RBM39: variants seen among roughly 807,000 people sequenced by gnomAD.
RBM39 encodes the protein RNA-binding protein 39.
RBM39 carries 12 observed loss-of-function variants against 79.6 expected under a neutral mutation model. That is an observed-to-expected ratio of 0.15 (90% CI 0.10 to 0.24). The LOEUF (loss-of-function observed/expected upper bound fraction) is 0.24, where lower values mean the gene tolerates loss of function less well. RBM39 is among the 10% of genes least tolerant of loss of function. RBM39 has a pLI of 1.00. For synonymous variants in RBM39, 185 were observed against 208.4 expected, an observed-to-expected ratio of 0.89 and a Z score of 0.97; for missense variants, 243 against 653.4, an observed-to-expected ratio of 0.37 and a Z score of 6.85.
chr20:35,728,077 G>A lies in RBM39; in HGVS notation c.416+1235C>T, dbSNP rs752367849. Among the ~76,000 whole-genome samples the A allele has an allele frequency of 5.9e-5, 9 of 152,230 alleles. No individual in the cohort carries two copies. The East Asian group carries it at 7.7e-4, about 13-fold the overall frequency. On this transcript the variant is annotated intron_variant, in intron 6 of 16. Coordinates refer to ENST00000253363, the MANE Select transcript of RBM39 (RefSeq NM_184234.3). ...GCTGGGATTACCCGCGTGAGCCACC[G>A]GGCCTGGCCTACAATTCTTATTTTT...
intron 5 of RBM39, 21 bp downstream of exon 5, chr20:35,729,441 T>A: frequency 6.2e-7 from 1 of 1,611,354 alleles, no homozygotes; most frequent in Non-Finnish European, 8.5e-7. Context: ...ATTTAAACAA[T>A]TCAGAAGTAT....
chr20:35,726,505 C>T (rs923112279), intron 6 of RBM39, among the ~76,000 whole-genome samples: 1 of 152,180 alleles, frequency 6.6e-6, no homozygotes, highest in Non-Finnish European at 1.5e-5. Context: ...AAACATATCA[C>T]CAGACCAATC....
chr20:35,708,461 C>A (rs543097922), intron 13 of RBM39, among the ~76,000 whole-genome samples: 35 of 152,150 alleles, frequency 2.3e-4, no homozygotes, highest in Non-Finnish European at 2.6e-4. Context: ...ATGCAGAACA[C>A]AGTAAATCTA....
rs930829106 is a variant in RBM39, at chr20:35,716,885, A to G, written c.826-80T>C. The G allele has an allele frequency of 4.3e-6, 4 of 924,408 alleles. No homozygotes were observed. In the African/African-American group the frequency reaches 5.1e-5, roughly 12 times the overall value. The allele number at this position is 924,408 out of a possible 1,614,324, so 57.3% of individuals were successfully genotyped here. A position where few individuals can be genotyped will look rare whatever the true frequency, so the allele number is the denominator to read the frequency against. Reference sequence around the variant, plus strand: ...TCTTCCCTGAGACATGGTTTTAAAAATCTACCAGTCTCCTCATCCTCCAAA... The same window carrying G: ...TCTTCCCTGAGACATGGTTTTAAAAGTCTACCAGTCTCCTCATCCTCCAAA... On this transcript the variant is annotated intron_variant, in intron 9 of 16. Transcript: ENST00000253363.
At chr20:35,709,967 T>G (rs918003021) in intron 12 of RBM39, among the ~76,000 whole-genome samples, 3 of 152,144 alleles carry the variant, frequency 2.0e-5, no homozygotes, top group Admixed American at 2.0e-4. Context: ...AAACATCTAA[T>G]CAGTATTAAA....
chr20:35,712,464 G>A (rs1404702024), intron 12 of RBM39, among the ~76,000 whole-genome samples: 1 of 142,308 alleles, frequency 7.0e-6, no homozygotes, highest in African/African-American at 2.6e-5. Context: ...AAAAAAGGGG[G>A]CGGGGGGTTG....
chr20:35,741,183 GC>G (rs899270136), intron 1 of RBM39, among the ~76,000 whole-genome samples: 1 of 151,488 alleles, frequency 6.6e-6, no homozygotes, highest in African/African-American at 2.4e-5. Context: ...ACAGGCGCCT[GC>G]CACCACGCCC....
chr20:35,718,352 A>T (rs1366651115), intron 9 of RBM39, among the ~76,000 whole-genome samples: 1 of 151,760 alleles, frequency 6.6e-6, no homozygotes, highest in Non-Finnish European at 1.5e-5. Flanking sequence ...TATGATAGGG[A>T]TAAGATATTC....
At chr20:35,732,225 T>C (rs1177133523) in intron 3 of RBM39, 90 bp from the exon 4 acceptor site, 2 of 1,200,802 alleles carry the variant, frequency 1.7e-6, no homozygotes, top group Admixed American at 2.0e-5. Context: ...TTTTTCATCC[T>C]TTCATAAATT....
At chr20:35,715,044 A>T (rs1186665116) in intron 10 of RBM39, among the ~76,000 whole-genome samples, 1 of 152,224 alleles carries the variant, frequency 6.6e-6, no homozygotes, top group Non-Finnish European at 1.5e-5. Flanking sequence ...CCAGTAAGTT[A>T]AACAGATTTG....
At position 35,713,074 on chromosome 20, in the gene RBM39, T is replaced by C. The variant is rs529091460; in HGVS notation, c.1119A>G (p.Pro373=). ...LAEGTGLQIP[P]AAQQALQMSG... is the part of the protein sequence containing the mutation. ...TCATCTGTAGAGCTTGCTGTGCTGCTGGCGGAATCTGCAAACCTGTACCTG... is the reference window on the plus strand; with the variant it reads ...TCATCTGTAGAGCTTGCTGTGCTGCCGGCGGAATCTGCAAACCTGTACCTG... Residue 373 remains proline (P), a synonymous_variant, in exon 12 of 17, where the codon CCA becomes CCG. Transcript: ENST00000253363. 2.5e-6 allele frequency: 4 copies of C among 1,613,908 alleles called. No homozygotes were observed. The African/African-American group carries it at 5.3e-5, about 22-fold the overall frequency.
At chr20:35,715,005 G>A (rs2036927665) in intron 10 of RBM39, among the ~76,000 whole-genome samples, 2 of 152,142 alleles carry the variant, frequency 1.3e-5, no homozygotes, top group Non-Finnish European at 2.9e-5. Flanking sequence ...CCTTTCACCA[G>A]TTCATTGACG....
At chr20:35,717,470 A>T (rs2037295645) in intron 9 of RBM39, among the ~76,000 whole-genome samples, 1 of 152,138 alleles carries the variant, frequency 6.6e-6, no homozygotes, top group Admixed American at 6.6e-5. Context: ...AAACAAAATC[A>T]ACGTTTCCTT....
intron 9 of RBM39, among the ~76,000 whole-genome samples, chr20:35,718,471 T>C (rs1600472169): frequency 6.6e-6 from 1 of 151,652 alleles, no homozygotes; most frequent in Admixed American, 6.6e-5. Context: ...AGCTCAGGAG[T>C]TCGAGACCAG....
intron 6 of RBM39, among the ~76,000 whole-genome samples, chr20:35,726,464 C>T (rs1031460093): frequency 6.6e-6 from 1 of 152,100 alleles, no homozygotes; most frequent in African/African-American, 2.4e-5. Context: ...CAAGGGTCAA[C>T]CAGAAGCCTG....
intron 9 of RBM39, among the ~76,000 whole-genome samples, 198 bp downstream of exon 9, chr20:35,721,542 T>C (rs1400462034): frequency 6.6e-6 from 1 of 152,238 alleles, no homozygotes; most frequent in East Asian, 1.9e-4. Context: ...CATGGCATTA[T>C]GAATAACAGT....
At chr20:35,738,662 A>C (rs2040228218) in intron 3 of RBM39, among the ~76,000 whole-genome samples, 1 of 152,238 alleles carries the variant, frequency 6.6e-6, no homozygotes. Flanking sequence ...TATCAGTAAG[A>C]TAACCAAATA....
chr20:35,724,759 T>C, intron 7 of RBM39, 37 bp from the exon 8 acceptor site: 1 of 1,600,048 alleles, frequency 6.2e-7, no homozygotes, highest in Middle Eastern at 1.7e-4. Flanking sequence ...CAAACATCCA[T>C]TGTAACACAT....
intron 9 of RBM39, among the ~76,000 whole-genome samples, chr20:35,721,407 T>C (rs1273555139): frequency 6.6e-6 from 1 of 152,180 alleles, no homozygotes; most frequent in African/African-American, 2.4e-5. Context: ...CACTGCAACC[T>C]TGAAATCCTG....
Sources: allele counts gnomAD v4.1 joint callset (sites outside exome capture counted in the v4.1 genomes callset), GRCh38; gene constraint gnomAD v4.1.1; transcripts MANE v1.5; gene names NCBI Gene and HGNC (gene_info 2026-07-23, HGNC 2026-07-21).